Variants in EXOC6 observed in about 807,000 individuals in gnomAD.
EXOC6 encodes SEC15-like 1.
EXOC6 carries 60 observed loss-of-function variants against 112.5 expected under a neutral mutation model. That is an observed-to-expected ratio of 0.53 (90% CI 0.43 to 0.66). EXOC6 has a LOEUF of 0.66. Ranked by LOEUF, EXOC6 falls within the 30% of genes least tolerant of loss-of-function variation. EXOC6 has a pLI of 0.00. For synonymous variants in EXOC6, 295 were observed against 308.0 expected, an observed-to-expected ratio of 0.96 and a Z score of 0.44; for missense variants, 855 against 957.1, an observed-to-expected ratio of 0.89 and a Z score of 1.41.
chr10:92,969,361 T>C (rs1463329841), intron 17 of EXOC6, among the ~76,000 whole-genome samples: 1 of 152,152 alleles, frequency 6.6e-6, no homozygotes, highest in Non-Finnish European at 1.5e-5. Context: ...TTGAGTCTTA[T>C]TGCCAGCCTT....
At chr10:92,893,667 A>T in intron 2 of EXOC6, 147 bp downstream of exon 2, 1 of 592,270 alleles carries the variant, frequency 1.7e-6, no homozygotes, top group East Asian at 2.8e-5. Flanking sequence ...TTTATGCTCT[A>T]TTAACACAGT....
chr10:93,049,997 G>A (rs2134367666), intron 20 of EXOC6, among the ~76,000 whole-genome samples: 1 of 152,090 alleles, frequency 6.6e-6, no homozygotes, highest in Non-Finnish European at 1.5e-5. Flanking sequence ...CCATTGATTT[G>A]TGCCCTTTAA....
Position 93,058,214 on chromosome 10 carries a change from T to G in EXOC6, c.2283-9T>G, listed in dbSNP as rs1298924232. On this transcript the variant is annotated splice_polypyrimidine_tract_variant and intron_variant, in intron 21 of 21. Coordinates refer to ENST00000260762, the MANE Select transcript of EXOC6 (RefSeq NM_019053.6). ...TTTACCAAGCTTCTTCATTCACATA[T>G]GTTTCTAGGATGAAGGATACTAGCA... The G allele has an allele frequency of 6.3e-7, 1 of 1,596,450 alleles. No homozygotes were observed. The highest frequency in any genetic ancestry group is 1.4e-5 in the African/African-American group (1 of 73,844).
At chr10:92,893,547 C>T in intron 2 of EXOC6, 27 bp downstream of exon 2, 1 of 1,564,640 alleles carries the variant, frequency 6.4e-7, no homozygotes, top group Non-Finnish European at 8.7e-7. Flanking sequence ...AATTATTTGC[C>T]TTTGTTCTCA....
chr10:92,913,711 T>G (rs952222433), intron 6 of EXOC6, among the ~76,000 whole-genome samples: 6 of 152,234 alleles, frequency 3.9e-5, no homozygotes, highest in Non-Finnish European at 5.9e-5. Flanking sequence ...ATTGTACTTT[T>G]CACACTACAA....
intron 4 of EXOC6, among the ~76,000 whole-genome samples, chr10:92,896,162 TATATATATATATATA>T (rs1849782254): frequency 3.8e-5 from 1 of 26,636 alleles, no homozygotes; most frequent in Non-Finnish European, 6.4e-5. Flanking sequence ...TATATATATA[TATATATATATATATA>T]TATATTTTTT....
chr10:93,032,069 AT>A (rs55853133), intron 20 of EXOC6, among the ~76,000 whole-genome samples: 20 of 152,000 alleles, frequency 1.3e-4, no homozygotes, highest in African/African-American at 1.9e-4. Flanking sequence ...TTTTCTATTG[AT>A]TTTTTCCCCC....
intron 19 of EXOC6, among the ~76,000 whole-genome samples, chr10:93,006,814 G>C (rs139221424): frequency 6.6e-6 from 1 of 152,124 alleles, no homozygotes; most frequent in African/African-American, 2.4e-5. Context: ...ATGAATATTG[G>C]CATTCATATT....
chr10:93,041,791 A>G (rs1373919380), intron 20 of EXOC6, among the ~76,000 whole-genome samples: 2 of 151,774 alleles, frequency 1.3e-5, no homozygotes, highest in Non-Finnish European at 2.9e-5. Flanking sequence ...GGCCCACTGC[A>G]ACCTCCACCT....
At chr10:93,010,085 G>T (rs1564907741) in intron 19 of EXOC6, among the ~76,000 whole-genome samples, 1 of 152,162 alleles carries the variant, frequency 6.6e-6, no homozygotes, top group Non-Finnish European at 1.5e-5. Flanking sequence ...CAACAAGATT[G>T]ACTGCAGTTG....
chr10:92,834,817 A>G, exon 1 of EXOC6: 1 of 1,599,734 alleles, frequency 6.3e-7, no homozygotes, highest in Non-Finnish European at 8.6e-7. Context: ...TGTTGAAGCT[A>G]CTTTAAGGTA....
intron 1 of EXOC6, 69 bp downstream of exon 1, chr10:92,848,703 G>A (rs1847167553): frequency 8.5e-7 from 1 of 1,182,150 alleles, no homozygotes. Context: ...GAGCCGGGCG[G>A]GGCGTCCGCC....
intron 5 of EXOC6, among the ~76,000 whole-genome samples, chr10:92,908,708 G>C (rs147453845): frequency 7.9e-4 from 120 of 152,244 alleles, no homozygotes; most frequent in African/African-American, 2.8e-3. Flanking sequence ...CCTCATAGAA[G>C]TCTAAAGAGA....
At chr10:92,892,617 C>T (rs1324402255) in intron 1 of EXOC6, among the ~76,000 whole-genome samples, 1 of 152,198 alleles carries the variant, frequency 6.6e-6, no homozygotes, top group East Asian at 1.9e-4. Context: ...AAGACACTTA[C>T]CAGGCAGGGT....
intron 14 of EXOC6, among the ~76,000 whole-genome samples, chr10:92,951,935 T>C (rs932713933): frequency 3.9e-5 from 6 of 152,198 alleles, no homozygotes; most frequent in African/African-American, 1.4e-4. Context: ...CTGACTCTTG[T>C]ATGATAAATA....
At chr10:92,849,175 G>T (rs886901336) in intron 1 of EXOC6, among the ~76,000 whole-genome samples, 4 of 152,104 alleles carry the variant, frequency 2.6e-5, no homozygotes, top group African/African-American at 9.7e-5. Flanking sequence ...ACTCCCCCGC[G>T]CGGCCGCAGT....
chr10:92,892,663 G>A (rs553408390), intron 1 of EXOC6, among the ~76,000 whole-genome samples: 23 of 152,340 alleles, frequency 1.5e-4, no homozygotes, highest in Non-Finnish European at 2.6e-4. Context: ...TCAGTGGCAA[G>A]GGTAGTCCTT....
chr10:92,974,477 A>C (rs1388666554), intron 18 of EXOC6, among the ~76,000 whole-genome samples: 1 of 152,134 alleles, frequency 6.6e-6, no homozygotes, highest in Non-Finnish European at 1.5e-5. Flanking sequence ...CCTGAAACTG[A>C]CAATATAGAC....
At chr10:92,999,625 A>G (rs1024844572) in intron 19 of EXOC6, among the ~76,000 whole-genome samples, 1 of 152,054 alleles carries the variant, frequency 6.6e-6, no homozygotes, top group East Asian at 1.9e-4. Flanking sequence ...AAAGATAACC[A>G]CATTTACATA....
Sources: gnomAD v4.1 joint callset for allele counts (sites outside exome capture counted in the v4.1 genomes callset) on GRCh38, gnomAD v4.1.1 for gene constraint, MANE v1.5 for transcripts, NCBI Gene and HGNC (gene_info 2026-07-23, HGNC 2026-07-21) for gene names.